The following UBR1 variants were observed in gnomAD, a reference collection of about 807,000 sequenced individuals.
UBR1 encodes ubiquitin protein ligase E3 component n-recognin 1, also known as E3 ubiquitin-protein ligase UBR1.
Under a neutral mutation model 242.1 loss-of-function variants are expected in UBR1, and 102 were observed. The ratio of observed to expected loss-of-function variants is 0.42; its 90% CI spans 0.36 to 0.50. UBR1 has a LOEUF of 0.50. UBR1 is among the 20% of genes least tolerant of loss of function. The probability of loss-of-function intolerance (pLI) is 0.01; values close to 1 mark genes in which losing one functional copy is unlikely to be tolerated. For synonymous variants in UBR1, 675 were observed against 684.8 expected (o/e 0.99, Z 0.22); for missense variants, 1,772 against 2,101.8 (o/e 0.84, Z 3.07).
intron 11 of UBR1, 32 bp downstream of exon 11, chr15:43,056,311 TA>T: frequency 6.6e-7 from 1 of 1,510,262 alleles, no homozygotes; most frequent in South Asian, 1.1e-5. Context: ...AAGTTTTACT[TA>T]GAAAGACTGA....
At position 42,945,075 on chromosome 15, in the gene UBR1, A is replaced by G; in HGVS notation, c.*254T>C. 2.1e-6 allele frequency: 1 copy of G among 481,398 alleles called. No homozygotes were observed. Among genetic ancestry groups the G allele is most frequent in the East Asian group, 4.1e-5 (1 of 24,482 alleles). 29.8% of individuals were successfully genotyped at this position (481,398 alleles called of 1,614,324 possible). A position where few individuals can be genotyped will look rare whatever the true frequency, so the allele number is the denominator to read the frequency against. ...GATGAAATAAAATGAAATGAGACAA[A>G]TTATGAAGGGGAATAAATTCCTGGA... On this transcript the variant is annotated 3_prime_UTR_variant, in exon 47 of 47. Transcript: ENST00000290650.
In UBR1 at chr15:42,966,282, T is replaced by C. The variant is rs772966664; in HGVS notation, c.4462A>G (p.Ile1488Val). 5.0e-6 allele frequency: 8 copies of C among 1,613,962 alleles called. No individual in the cohort carries two copies. Among genetic ancestry groups the C allele is most frequent in the Non-Finnish European group, 5.9e-6 (7 of 1,180,028 alleles). The change falls in exon 41 of 47, where the codon ATT (isoleucine) becomes GTT (valine). Residue 1488 changes from isoleucine (I) to valine (V), a missense_variant. Ile to Val is a conservative substitution (Grantham distance 29, BLOSUM62 3). Around this residue, in one of 3 missense-constraint regions of UBR1, gnomAD observed 965 missense variants for 1,079.7 expected, o/e 0.89. Transcript: ENST00000290650. ...AEISQYTSGSIGCDIPGWYLW... is the reference protein window; with the variant it reads ...AEISQYTSGSVGCDIPGWYLW... ...TACCAGCCAGGAATATCACACCCAA[T>C]GGAGCTAGGAGACAATAATTCCAGA... is the stretch of plus-strand genomic sequence containing the variant.
chr15:42,974,420 T>C (rs1057374603), intron 39 of UBR1, among the ~76,000 whole-genome samples: 4 of 152,220 alleles, frequency 2.6e-5, no homozygotes, highest in African/African-American at 7.2e-5. Flanking sequence ...TCATATTTCA[T>C]TGATCTATTT....
intron 3 of UBR1, among the ~76,000 whole-genome samples, chr15:43,079,561 T>C (rs7176116): frequency 0.86 from 130,434 of 151,982 alleles, 56,080 homozygotes; most frequent in Non-Finnish European, 0.89. Context: ...GGGTGGATCA[T>C]GAGGTCAGGA....
rs2033015265 is a variant in UBR1 at position 43,015,813 on chromosome 15, T to C, written c.3084A>G (p.Leu1028=). 6.8e-6 allele frequency: 11 copies of C among 1,614,102 alleles called. No individual in the cohort carries two copies. The highest frequency in any genetic ancestry group is 5.0e-5 in the Admixed American group (3 of 60,008). ...ERKRKAEAAR[L]HRQKIMAQMS... Reference sequence around the variant, plus strand: ...TCTGAGCCATGATCTTCTGGCGATGTAGCCTAGCAGCTTCAGCTTTTCTTT... The same window carrying C: ...TCTGAGCCATGATCTTCTGGCGATGCAGCCTAGCAGCTTCAGCTTTTCTTT... The change falls in exon 29 of 47, where the codon CTA becomes CTG. Residue 1028 remains leucine, a synonymous_variant. Coordinates refer to ENST00000290650, the MANE Select transcript of UBR1 (RefSeq NM_174916.3).
rs1217564561 is a variant in UBR1 at position 42,988,940 on chromosome 15, T to G, written c.3876A>C (p.Glu1292Asp). ...TTGTTGTGGCAAAGAGAATAACCAT[T>G]TCCTTGATGCTATTTGAATATTTAA... ...SSIKYSNSIKEMVILFATTIY... is the reference protein window; with the variant it reads ...SSIKYSNSIKDMVILFATTIY... The change falls in exon 35 of 47, where the codon GAA (glutamate) becomes GAC (aspartate). Residue 1292 changes from glutamate (E) to aspartate (D), a missense_variant. Around this residue, in one of 3 missense-constraint regions of UBR1, gnomAD observed 965 missense variants for 1,079.7 expected, o/e 0.89. Coordinates refer to ENST00000290650, the MANE Select transcript of UBR1 (RefSeq NM_174916.3). 2 of 1,606,022 alleles carry G rather than the reference T, an allele frequency of 1.2e-6. No individual in the cohort carries two copies. Among genetic ancestry groups the G allele is most frequent in the African/African-American group, 2.7e-5 (2 of 74,772 alleles).
chr15:42,993,715 G>A (rs768979305), intron 33 of UBR1, among the ~76,000 whole-genome samples: 1 of 151,778 alleles, frequency 6.6e-6, no homozygotes, highest in East Asian at 1.9e-4. Context: ...TGTTGGTGGC[G>A]GGCAACCAAC....
At chr15:43,002,740 T>C (rs376322428) in intron 31 of UBR1, 36 bp from the exon 32 acceptor site, 5 of 1,613,832 alleles carry the variant, frequency 3.1e-6, no homozygotes, top group Admixed American at 1.7e-5. Flanking sequence ...CATTCAGAAC[T>C]ACACATGCAT....
At position 43,082,627 on chromosome 15, in the gene UBR1, T is replaced by C. The variant is rs767563765; in HGVS notation, c.417+11A>G. On this transcript the variant is annotated intron_variant, in intron 3 of 46. Transcript: ENST00000290650. ...CCTGCTTATTCAGAGGTTATGGTTATATTTTCTTACCTTGTAACGATGATT... is the reference window on the plus strand; with the variant it reads ...CCTGCTTATTCAGAGGTTATGGTTACATTTTCTTACCTTGTAACGATGATT... 2.5e-6 allele frequency: 4 copies of C among 1,611,590 alleles called. No homozygotes were observed. The highest frequency in any genetic ancestry group is 2.5e-6 in the Non-Finnish European group (3 of 1,177,856).
chr15:42,949,410 C>T (rs1332978056), intron 46 of UBR1, among the ~76,000 whole-genome samples: 2 of 149,254 alleles, frequency 1.3e-5, no homozygotes, highest in East Asian at 3.9e-4. Context: ...GCACATGTAT[C>T]CTAAAACTTA....
intron 33 of UBR1, 91 bp from the exon 34 acceptor site, chr15:42,990,211 G>A: frequency 1.1e-6 from 1 of 930,988 alleles, no homozygotes; most frequent in Non-Finnish European, 1.7e-6. Flanking sequence ...ATTTTTGACA[G>A]TCTCACTCTG....
At chr15:42,964,408 G>T (rs538125760) in intron 41 of UBR1, among the ~76,000 whole-genome samples, 1 of 152,248 alleles carries the variant, frequency 6.6e-6, no homozygotes, top group African/African-American at 2.4e-5. Context: ...GGTGGAGGTT[G>T]CAGTGAGCTG....
chr15:43,037,312 C>T (rs1446651478), intron 17 of UBR1, among the ~76,000 whole-genome samples: 2 of 146,736 alleles, frequency 1.4e-5, no homozygotes, highest in Admixed American at 1.4e-4. Flanking sequence ...TACACCACTG[C>T]ACTCCATAGC....
intron 29 of UBR1, among the ~76,000 whole-genome samples, chr15:43,010,055 G>A (rs764020621): frequency 6.6e-6 from 1 of 152,082 alleles, no homozygotes; most frequent in Non-Finnish European, 1.5e-5. Flanking sequence ...TGTATTTTTA[G>A]TAGAGACGGA....
intron 13 of UBR1, among the ~76,000 whole-genome samples, chr15:43,047,646 T>C (rs1437216794): frequency 1.3e-5 from 2 of 152,162 alleles, no homozygotes; most frequent in Non-Finnish European, 2.9e-5. Flanking sequence ...ATACTAAATG[T>C]AGATGAATTA....
intron 20 of UBR1, among the ~76,000 whole-genome samples, chr15:43,030,809 A>G (rs1031047744): frequency 6.6e-6 from 1 of 152,234 alleles, no homozygotes; most frequent in Admixed American, 6.5e-5. Flanking sequence ...TATGATATCT[A>G]TAAGAGGGTT....
intron 44 of UBR1, among the ~76,000 whole-genome samples, chr15:42,957,012 TC>T (rs2031931826): frequency 6.6e-6 from 1 of 152,236 alleles, no homozygotes; most frequent in South Asian, 2.1e-4. Flanking sequence ...GCAATTCCAC[TC>T]CTGGGCATAC....
intron 33 of UBR1, among the ~76,000 whole-genome samples, chr15:42,995,684 C>A (rs527537272): frequency 3.3e-3 from 487 of 149,412 alleles, no homozygotes; most frequent in African/African-American, 0.011. Flanking sequence ...AACAAACAAA[C>A]AAAAAAAAAC....
In UBR1 at chr15:42,944,023, A is replaced by G. The variant is rs1414391732; in HGVS notation, c.*1306T>C. 6.6e-6 allele frequency: 1 copy of G among 152,266 alleles called. No individual in the cohort carries two copies. The highest frequency in any genetic ancestry group is 1.5e-5 in the Non-Finnish European group (1 of 68,048). 9.4% of individuals were successfully genotyped at this position (152,266 alleles called of 1,614,324 possible). The stretch of plus-strand genomic sequence containing the variant: ...ACTTGCTTGCCTTTGCTGAGCAAAA[A>G]GAAGGTAGGAAAACATTTACACACA... On this transcript the variant is annotated 3_prime_UTR_variant, in exon 47 of 47. Transcript: ENST00000290650.
Sources: allele counts gnomAD v4.1 joint callset (sites outside exome capture counted in the v4.1 genomes callset), GRCh38; gene constraint gnomAD v4.1.1; regional missense constraint gnomAD v4.1.1; transcripts MANE v1.5; gene names NCBI Gene and HGNC (gene_info 2026-07-23, HGNC 2026-07-21).